The following PPFIBP1 variants were observed in gnomAD, a reference collection of about 807,000 sequenced individuals.
The protein encoded by PPFIBP1 is PPFIB scaffold protein 1, also known as liprin-beta-1.
PPFIBP1 carries 112 observed loss-of-function variants against 137.8 expected under a neutral mutation model. The ratio of observed to expected loss-of-function variants is 0.81; its 90% CI spans 0.70 to 0.95. The LOEUF is 0.95. Ranked by LOEUF, PPFIBP1 falls within the 40% of genes least tolerant of loss-of-function variation. The pLI is 0.00. For missense variants in PPFIBP1, 1,083 were observed against 1,196.6 expected (o/e 0.91, Z 1.40); for synonymous variants, 378 against 417.3 (o/e 0.91, Z 1.15).
intron 29 of PPFIBP1, 65 bp downstream of exon 29, chr12:27,692,721 C>T: frequency 6.2e-7 from 1 of 1,613,774 alleles, no homozygotes; most frequent in Non-Finnish European, 8.5e-7. Flanking sequence ...CCCCAAAGGA[C>T]CACATGTCTC....
rs11311175 is a variant in PPFIBP1, at chr12:27,556,955, CAA to C, written c.-123-21187_-123-21186del. 1.3e-3 allele frequency among the ~76,000 whole-genome samples: 196 copies of C among 149,276 alleles called. 1 individual carries two copies. Among genetic ancestry groups the C allele is most frequent in the African/African-American group, 4.3e-3 (176 of 40,790 alleles). Reference sequence around the variant, plus strand: ...AAATCTCAATAAAGACCCCACCCCTCAAAAAAAAAAACCTCAAAATCTTGAAA... The same window carrying C: ...AAATCTCAATAAAGACCCCACCCCTCAAAAAAAAACCTCAAAATCTTGAAA... On this transcript the variant is annotated intron_variant, in intron 1 of 29. Transcript: ENST00000228425.
chr12:27,682,979 A>C (rs1004917967), intron 24 of PPFIBP1, among the ~76,000 whole-genome samples: 1 of 152,246 alleles, frequency 6.6e-6, no homozygotes, highest in Non-Finnish European at 1.5e-5. Context: ...TTTTATATGT[A>C]ATACATTCAA....
chr12:27,677,008 C>T (rs1373414623), intron 18 of PPFIBP1, 56 bp from the exon 19 acceptor site: 1 of 1,613,226 alleles, frequency 6.2e-7, no homozygotes, highest in Non-Finnish European at 8.5e-7. Flanking sequence ...TTTGTCATCT[C>T]TGTGTTCTCT....
At chr12:27,690,758 G>A (rs994583860) in intron 27 of PPFIBP1, among the ~76,000 whole-genome samples, 2 of 152,170 alleles carry the variant, frequency 1.3e-5, no homozygotes, top group African/African-American at 4.8e-5. Context: ...CTCTTGTACA[G>A]ATTTAGCTTC....
chr12:27,632,983 G>A (rs753230901), intron 2 of PPFIBP1, among the ~76,000 whole-genome samples: 4 of 152,168 alleles, frequency 2.6e-5, no homozygotes, highest in Non-Finnish European at 5.9e-5. Flanking sequence ...GAAATTAAGA[G>A]AGCAGAGATT....
chr12:27,600,265 A>T (rs554583656), intron 2 of PPFIBP1, among the ~76,000 whole-genome samples: 1 of 152,158 alleles, frequency 6.6e-6, no homozygotes, highest in African/African-American at 2.4e-5. Context: ...GTGAAACACC[A>T]TCTCTACTAA....
intron 2 of PPFIBP1, chr12:27,592,430 CA>C: frequency 1.3e-6 from 1 of 776,732 alleles, no homozygotes; most frequent in Non-Finnish European, 2.0e-6. Context: ...GGATTATTTT[CA>C]ACTTTCCAAA....
chr12:27,550,159 G>A (rs1337591880), intron 1 of PPFIBP1, among the ~76,000 whole-genome samples: 1 of 152,184 alleles, frequency 6.6e-6, no homozygotes, highest in Non-Finnish European at 1.5e-5. Context: ...CTTTGAACCC[G>A]AGCTCGGCTT....
chr12:27,536,552 A>G (rs1945030171), intron 1 of PPFIBP1, among the ~76,000 whole-genome samples: 1 of 152,148 alleles, frequency 6.6e-6, no homozygotes, highest in African/African-American at 2.4e-5. Context: ...AAGATTCACC[A>G]AGGGGAATGG....
chr12:27,526,791 C>T (rs1294996295), intron 1 of PPFIBP1, among the ~76,000 whole-genome samples: 3 of 152,122 alleles, frequency 2.0e-5, no homozygotes. Context: ...GCTGAGATCT[C>T]GTTATTGCAC....
Position 27,660,960 on chromosome 12 carries a change from T to A in PPFIBP1, c.906+15T>A. The A allele has an allele frequency of 6.2e-7, 1 of 1,612,192 alleles. No homozygotes were observed. The highest frequency in any genetic ancestry group is 8.5e-7 in the Non-Finnish European group (1 of 1,179,350). On this transcript the variant is annotated intron_variant, in intron 11 of 29. Coordinates refer to ENST00000228425, the MANE Select transcript of PPFIBP1 (RefSeq NM_003622.4). ...ATGAAGAAAAGGTATCCAGATGAAA[T>A]TTAAATATACGTGTGGATGTTTTTT... is the stretch of plus-strand genomic sequence containing the variant.
intron 2 of PPFIBP1, among the ~76,000 whole-genome samples, chr12:27,620,346 C>T (rs2056219472): frequency 6.6e-6 from 1 of 152,186 alleles, no homozygotes; most frequent in Admixed American, 6.5e-5. Context: ...CCTACTAACC[C>T]TCTGGCTCAC....
intron 21 of PPFIBP1, 80 bp downstream of exon 21, chr12:27,680,141 A>G (rs1260447675): frequency 3.9e-6 from 6 of 1,537,388 alleles, no homozygotes; most frequent in South Asian, 2.4e-5. Context: ...TAGTACTGTC[A>G]TTGGGTTAAA....
At chr12:27,547,385 C>G (rs780037090) in intron 1 of PPFIBP1, 4 of 152,224 alleles carry the variant, frequency 2.6e-5, no homozygotes, top group Non-Finnish European at 4.4e-5. Flanking sequence ...AGTTTTTAAA[C>G]TGAGTGGCTG....
chr12:27,655,958 G>A (rs2059171272), intron 8 of PPFIBP1, among the ~76,000 whole-genome samples: 2 of 152,196 alleles, frequency 1.3e-5, no homozygotes, highest in Non-Finnish European at 2.9e-5. Context: ...TTAAACATGA[G>A]TACATAGAAG....
In PPFIBP1 at chr12:27,656,884, T is replaced by C; in HGVS notation, c.811+154T>C. The C allele has an allele frequency of 7.2e-6, 4 of 554,350 alleles. No homozygotes were observed. In the South Asian group the frequency reaches 8.9e-5, roughly 12 times the overall value. 34.3% of individuals were successfully genotyped at this position (554,350 alleles called of 1,614,324 possible). On this transcript the variant is annotated intron_variant, in intron 9 of 29. Coordinates refer to ENST00000228425, the MANE Select transcript of PPFIBP1 (RefSeq NM_003622.4). The stretch of plus-strand genomic sequence containing the variant: ...AGAACCACAGGGGATTCTCCAAGAC[T>C]CTTTACTGTGACTGGGAATCCATTA...
At chr12:27,621,442 C>T (rs547352772) in intron 2 of PPFIBP1, among the ~76,000 whole-genome samples, 1 of 152,298 alleles carries the variant, frequency 6.6e-6, no homozygotes, top group Admixed American at 6.5e-5. Flanking sequence ...ATTACATTAC[C>T]CCTTAGTATT....
chr12:27,613,702 CAAA>C (rs36094116), intron 2 of PPFIBP1, among the ~76,000 whole-genome samples: 9 of 107,788 alleles, frequency 8.3e-5, no homozygotes, highest in Admixed American at 1.9e-4. Context: ...GACTCCATCT[CAAA>C]AAAAAAAAAA....
intron 2 of PPFIBP1, among the ~76,000 whole-genome samples, chr12:27,619,137 C>A (rs118134377): frequency 6.6e-6 from 1 of 151,956 alleles, no homozygotes; most frequent in African/African-American, 2.4e-5. Flanking sequence ...CAGGCACAGC[C>A]GTCACTGGGT....
Sources: gnomAD v4.1 joint callset for allele counts (sites outside exome capture counted in the v4.1 genomes callset) on GRCh38, gnomAD v4.1.1 for gene constraint, MANE v1.5 for transcripts, NCBI Gene and HGNC (gene_info 2026-07-23, HGNC 2026-07-21) for gene names.